SLC17A5: variants seen among roughly 807,000 people sequenced by gnomAD.
SLC17A5 encodes sialin.
SLC17A5 carries 47 observed loss-of-function variants against 59.4 expected under a neutral mutation model. The observed-to-expected ratio is 0.79, with a 90% CI of 0.63 to 1.01. The LOEUF is 1.01. Ranked by LOEUF, SLC17A5 falls within the 50% of genes least tolerant of loss-of-function variation. SLC17A5 has a pLI of 0.00. For missense variants in SLC17A5, 522 were observed against 595.5 expected (o/e 0.88, Z 1.28); for synonymous variants, 202 against 210.7 (o/e 0.96, Z 0.36).
chr6:73,650,574 A>G (rs1395261663), intron 1 of SLC17A5, among the ~76,000 whole-genome samples: 1 of 151,074 alleles, frequency 6.6e-6, no homozygotes, highest in Non-Finnish European at 1.5e-5. Flanking sequence ...ACATGCCTGC[A>G]GTCCCAGTTC....
At chr6:73,640,007 C>T (rs1175623415) in intron 3 of SLC17A5, among the ~76,000 whole-genome samples, 1 of 152,184 alleles carries the variant, frequency 6.6e-6, no homozygotes, top group Non-Finnish European at 1.5e-5. Context: ...GATCATGCCA[C>T]TGCACTCCAG....
chr6:73,642,074 C>T (rs1328061117), intron 2 of SLC17A5, 150 bp from the exon 3 acceptor site: 2 of 699,832 alleles, frequency 2.9e-6, no homozygotes, highest in Non-Finnish European at 5.1e-6. Flanking sequence ...GTGGGTGAGT[C>T]ATAACAATAT....
At chr6:73,627,582 T>G (rs2150105328) in intron 6 of SLC17A5, among the ~76,000 whole-genome samples, 1 of 152,218 alleles carries the variant, frequency 6.6e-6, no homozygotes, top group Non-Finnish European at 1.5e-5. Context: ...ATACTCTCGA[T>G]GGCTTCATCA....
intron 8 of SLC17A5, among the ~76,000 whole-genome samples, chr6:73,614,970 G>GCCA (rs1767790869): frequency 6.6e-6 from 1 of 151,922 alleles, no homozygotes; most frequent in Non-Finnish European, 1.5e-5. Flanking sequence ...ATTTATAGCC[G>GCCA]GTCAGTCAGA....
At position 73,595,166 on chromosome 6, in the gene SLC17A5, T is replaced by G. The variant is rs753602797; in HGVS notation, c.1399A>C (p.Asn467His). The G allele has an allele frequency of 1.9e-6, 3 of 1,614,096 alleles. No homozygotes were observed. In the South Asian group the frequency reaches 3.3e-5, roughly 18 times the overall value. ...GTAAAGAAAATGGCACCAAAAACAT[T>G]AATAGCAGCAGCAATATAGAACACG... ...QTVFYIAAAI[N>H]VFGAIFFTLF... The change falls in exon 11 of 11, where the codon AAT becomes CAT. Residue 467 changes from asparagine to histidine, a missense_variant. This residue lies in a region of SLC17A5 where 153 missense variants were observed against 168.5 expected (regional missense o/e 0.91). Coordinates refer to ENST00000355773, the MANE Select transcript of SLC17A5 (RefSeq NM_012434.5).
At chr6:73,630,623 C>G (rs58417654) in intron 6 of SLC17A5, among the ~76,000 whole-genome samples, 1 of 152,032 alleles carries the variant, frequency 6.6e-6, no homozygotes, top group Non-Finnish European at 1.5e-5. Context: ...TGACTTCCAG[C>G]TGTTCCTCCT....
rs763275424 is a variant in SLC17A5, at chr6:73,644,465, C to G, written c.233G>C (p.Arg78Thr). ...ATGCTCTGGACACGCCTTGGAAGTT[C>G]TATTATCTTCTAAAGTTGTATTTGA... ...VDSNTTLEDNRTSKACPEHSA... is the reference protein window; with the variant it reads ...VDSNTTLEDNTTSKACPEHSA... Residue 78 changes from arginine (R) to threonine (T), a missense_variant, in exon 2 of 11, where the codon AGA (arginine) becomes ACA (threonine). This residue lies in a region of SLC17A5 where 338 missense variants were observed against 363.8 expected (regional missense o/e 0.93). Transcript: ENST00000355773. The G allele has an allele frequency of 5.0e-6, 8 of 1,613,968 alleles. No homozygotes were observed. The East Asian group carries it at 6.7e-5, about 13-fold the overall frequency.
chr6:73,628,764 C>G (rs562915181), intron 6 of SLC17A5, among the ~76,000 whole-genome samples: 35 of 152,222 alleles, frequency 2.3e-4, no homozygotes, highest in Middle Eastern at 6.8e-3. Flanking sequence ...CTAATAATAG[C>G]TCAATCAACT....
intron 10 of SLC17A5, among the ~76,000 whole-genome samples, chr6:73,597,969 G>A (rs1766891583): frequency 6.6e-6 from 1 of 151,892 alleles, no homozygotes; most frequent in Non-Finnish European, 1.5e-5. Context: ...GCATTTTAAT[G>A]AAAAAAAATC....
intron 6 of SLC17A5, among the ~76,000 whole-genome samples, chr6:73,629,520 C>T (rs1195708775): frequency 6.6e-6 from 1 of 152,098 alleles, no homozygotes; most frequent in Non-Finnish European, 1.5e-5. Flanking sequence ...CGCTTGTAAT[C>T]CCAGCACTTT....
At chr6:73,599,804 CT>C (rs36013540) in intron 10 of SLC17A5, among the ~76,000 whole-genome samples, 73,236 of 146,574 alleles carry the variant, frequency 0.5, 19,681 homozygotes, top group African/African-American at 0.74. Context: ...TCCTGAAATT[CT>C]TTTTTTTTTT....
At chr6:73,604,695 G>A (rs1581958498) in intron 9 of SLC17A5, among the ~76,000 whole-genome samples, 1 of 152,166 alleles carries the variant, frequency 6.6e-6, no homozygotes, top group African/African-American at 2.4e-5. Flanking sequence ...CGACTGCAGT[G>A]AGCCGTGGTC....
intron 2 of SLC17A5, among the ~76,000 whole-genome samples, chr6:73,642,712 A>G (rs1398847333): frequency 6.6e-6 from 1 of 152,236 alleles, no homozygotes; most frequent in East Asian, 1.9e-4. Context: ...AATGCAGTGT[A>G]GCTGTATAAC....
At position 73,645,455 on chromosome 6, in the gene SLC17A5, C is replaced by A; in HGVS notation, c.95-852G>T. 3 of 985,010 alleles carry A rather than the reference C, an allele frequency of 3.0e-6. No homozygotes were observed. The South Asian group carries it at 1.4e-4, about 46-fold the overall frequency. 61.0% of individuals were successfully genotyped at this position (985,010 alleles called of 1,614,324 possible). A position where few individuals can be genotyped will look rare whatever the true frequency, so the allele number is the denominator to read the frequency against. ...GTAGTTATCAAGCGTAAAGGGCTCA[C>A]AGTAAAAAGGGAAATCAGTGAATGT... On this transcript the variant is annotated intron_variant, in intron 1 of 10. Coordinates refer to ENST00000355773, the MANE Select transcript of SLC17A5 (RefSeq NM_012434.5).
At chr6:73,611,878 G>A (rs1430143670) in intron 8 of SLC17A5, among the ~76,000 whole-genome samples, 1 of 152,008 alleles carries the variant, frequency 6.6e-6, no homozygotes, top group Non-Finnish European at 1.5e-5. Flanking sequence ...CTGTCGTCAG[G>A]CTGGAGTGCA....
intron 8 of SLC17A5, among the ~76,000 whole-genome samples, chr6:73,615,064 T>G (rs552470613): frequency 1.3e-5 from 2 of 152,180 alleles, no homozygotes; most frequent in African/African-American, 4.8e-5. Context: ...ACCTATAGGA[T>G]CTGATGCTAC....
chr6:73,615,376 G>A lies in SLC17A5; in HGVS notation c.1050C>T (p.Asp350=), dbSNP rs376724825. The part of the protein sequence containing the change: ...LCMILSGQAA[D]NLRAKWNFST... ...AAAAATTCCATTTTGCCCTTAAATT[G>A]TCAGCAGCTTGACCAGACAGGATCA... is the stretch of plus-strand genomic sequence containing the variant. The change falls in exon 8 of 11, where the codon GAC becomes GAT. Residue 350 remains aspartate, a synonymous_variant. Transcript: ENST00000355773. 1 of 1,613,920 alleles carries A rather than the reference G, an allele frequency of 6.2e-7. No individual in the cohort carries two copies. The highest frequency in any genetic ancestry group is 8.5e-7 in the Non-Finnish European group (1 of 1,179,986).
At chr6:73,595,927 CATATACATATAT>C (rs1405335331) in intron 10 of SLC17A5, among the ~76,000 whole-genome samples, 1 of 744 alleles carries the variant, frequency 1.3e-3, no homozygotes, top group Non-Finnish European at 2.4e-3. Flanking sequence ...TATATATATA[CATATACATATAT>C]ATATATATAC....
intron 7 of SLC17A5, among the ~76,000 whole-genome samples, chr6:73,616,384 G>A (rs1462844455): frequency 1.3e-5 from 2 of 151,960 alleles, no homozygotes; most frequent in East Asian, 3.9e-4. Flanking sequence ...TAGACACTTC[G>A]ATTTAGTCTT....
Sources: allele counts gnomAD v4.1 joint callset (sites outside exome capture counted in the v4.1 genomes callset), GRCh38; gene constraint gnomAD v4.1.1; regional missense constraint gnomAD v4.1.1; transcripts MANE v1.5; gene names NCBI Gene and HGNC (gene_info 2026-07-23, HGNC 2026-07-21).